The following VSIR variants were observed in gnomAD, a reference collection of about 807,000 sequenced individuals.
The protein encoded by VSIR is V-type immunoglobulin domain-containing suppressor of T-cell activation.
In VSIR, 10 loss-of-function variants were observed where a neutral mutation model predicts 31.0. The ratio of observed to expected loss-of-function variants is 0.32; its 90% confidence interval spans 0.20 to 0.55. The LOEUF is 0.55. VSIR is among the 20% of genes least tolerant of loss of function. VSIR has a pLI of 0.93. For synonymous variants in VSIR, 179 were observed against 180.1 expected, an observed-to-expected ratio of 0.99 and a Z score of 0.05; for missense variants, 356 against 416.2, an observed-to-expected ratio of 0.86 and a Z score of 1.26.
intron 4 of VSIR, chr10:71,753,725 T>C (rs1329323550): frequency 2.2e-6 from 1 of 456,090 alleles, no homozygotes; most frequent in Non-Finnish European, 4.4e-6. Context: ...CTCCCACAGA[T>C]GCTTCTCGTT....
intron 4 of VSIR, among the ~76,000 whole-genome samples, chr10:71,754,066 T>C (rs567307497): frequency 6.6e-6 from 1 of 152,270 alleles, no homozygotes; most frequent in East Asian, 1.9e-4. Flanking sequence ...TTCCTTTTCT[T>C]TTTTTCCTGA....
In VSIR at chr10:71,751,975, G is replaced by C; in HGVS notation, c.705-114C>G. Reference sequence around the variant, plus strand: ...CTCTCACCTACATCCCCATCCCCAAGCCTCAGCAGCATCTCCAAGCAAGAA... The same window carrying C: ...CTCTCACCTACATCCCCATCCCCAACCCTCAGCAGCATCTCCAAGCAAGAA... On this transcript the variant is annotated intron_variant, in intron 5 of 6. Coordinates refer to ENST00000394957, the MANE Select transcript of VSIR (RefSeq NM_022153.2). The surrounding 1 kb of genome is among the most constrained non-coding windows in gnomAD (Gnocchi z 4.9). 8.7e-7 allele frequency: 1 copy of C among 1,146,756 alleles called. No homozygotes were observed. The highest frequency in any genetic ancestry group is 1.3e-6 in the Non-Finnish European group (1 of 793,696). The allele number at this position is 1,146,756 out of a possible 1,614,324, so 71.0% of individuals were successfully genotyped here.
intron 3 of VSIR, among the ~76,000 whole-genome samples, chr10:71,755,824 G>C (rs900252056): frequency 2.6e-5 from 4 of 152,184 alleles, no homozygotes; most frequent in Admixed American, 2.6e-4. Flanking sequence ...GGCCTTCGCA[G>C]ACCCCATGCC....
chr10:71,757,131 T>C (rs1840170375), intron 3 of VSIR, among the ~76,000 whole-genome samples: 1 of 152,248 alleles, frequency 6.6e-6, no homozygotes, highest in Non-Finnish European at 1.5e-5. Flanking sequence ...AGGACCTTAT[T>C]GTGGGCAATA....
chr10:71,751,779 G>C lies in VSIR; in HGVS notation c.787C>G (p.Leu263Val). 1 of 1,601,892 alleles carries C rather than the reference G, an allele frequency of 6.2e-7. No individual in the cohort carries two copies. The highest frequency in any genetic ancestry group is 8.5e-7 in the Non-Finnish European group (1 of 1,173,984). The change falls in exon 6 of 7, where the codon CTG becomes GTG. Residue 263 changes from leucine to valine, a missense_variant. This residue lies in a region of VSIR where 190 missense variants were observed against 185.2 expected (regional missense o/e 1.03). Transcript: ENST00000394957. This position sits in a 1 kb window ranked among gnomAD's most constrained non-coding sequence, Gnocchi z 4.9. Reference sequence around the variant, plus strand: ...GGCTGCCGCTGGGCCACATAGGACAGGGGGTGCCTGACTTTGGCCTCGGGT... The same window carrying C: ...GGCTGCCGCTGGGCCACATAGGACACGGGGTGCCTGACTTTGGCCTCGGGT... The part of the protein sequence containing the change: ...GIPEAKVRHP[L>V]SYVAQRQPSE...
At chr10:71,773,003 C>A (rs937913888) in intron 1 of VSIR, among the ~76,000 whole-genome samples, 2 of 152,228 alleles carry the variant, frequency 1.3e-5, no homozygotes, top group Admixed American at 1.3e-4. Flanking sequence ...GTGATATCCA[C>A]CAGAACACAC....
In VSIR at chr10:71,773,395, T is replaced by A. The variant is rs776482242; in HGVS notation, c.45A>T (p.Gly15=). Residue 15 remains glycine (G), a synonymous_variant, in exon 1 of 7, where the codon GGA becomes GGT. Transcript: ENST00000394957. ...CCAGGAAGAGAGCGAAGAGCAGGGA[T>A]CCCCAGCGCCAGCTGCCGGCCTCCA... ...TALEAGSWRW[G]SLLFALFLAA... 1.2e-6 allele frequency: 2 copies of A among 1,609,972 alleles called. No homozygotes were observed. The highest frequency in any genetic ancestry group is 1.3e-5 in the African/African-American group (1 of 74,934).
intron 3 of VSIR, among the ~76,000 whole-genome samples, chr10:71,759,956 C>T (rs1840280265): frequency 8.2e-6 from 1 of 122,342 alleles, no homozygotes; most frequent in Non-Finnish European, 1.8e-5. Context: ...CATATATATA[C>T]ACACACATAT....
chr10:71,752,885 C>A, intron 5 of VSIR, 90 bp downstream of exon 5: 1 of 1,464,386 alleles, frequency 6.8e-7, no homozygotes, highest in South Asian at 1.2e-5. Flanking sequence ...CTGCTCTAGG[C>A]AGCTAAACAG....
At chr10:71,770,533 G>A (rs540122305) in intron 1 of VSIR, among the ~76,000 whole-genome samples, 1 of 152,350 alleles carries the variant, frequency 6.6e-6, no homozygotes, top group South Asian at 2.1e-4. Flanking sequence ...AAGCCACAGT[G>A]CTGATCCCTG....
At chr10:71,765,286 G>A (rs1163902464) in intron 1 of VSIR, among the ~76,000 whole-genome samples, 1 of 152,256 alleles carries the variant, frequency 6.6e-6, no homozygotes, top group Non-Finnish European at 1.5e-5. Context: ...AGCTACGGTA[G>A]TATTTACCAC....
intron 3 of VSIR, among the ~76,000 whole-genome samples, chr10:71,757,834 C>T (rs924559543): frequency 2.4e-4 from 37 of 152,190 alleles, no homozygotes; most frequent in African/African-American, 8.4e-4. Context: ...CATTCTGCTG[C>T]GCTGGGGGGT....
chr10:71,764,630 G>C (rs1016368281), intron 1 of VSIR, among the ~76,000 whole-genome samples: 1 of 152,122 alleles, frequency 6.6e-6, no homozygotes, highest in African/African-American at 2.4e-5. Flanking sequence ...GCAGCTTTTG[G>C]GGGGCACCGG....
At chr10:71,758,939 G>A (rs1840219020) in intron 3 of VSIR, among the ~76,000 whole-genome samples, 1 of 151,754 alleles carries the variant, frequency 6.6e-6, no homozygotes. Context: ...GTGTGATCTC[G>A]GCTCACTGCA....
chr10:71,771,188 G>A (rs1840675738), intron 1 of VSIR, among the ~76,000 whole-genome samples: 1 of 152,172 alleles, frequency 6.6e-6, no homozygotes, highest in Non-Finnish European at 1.5e-5. Context: ...TGGGGAAGAA[G>A]AGGCTCTGCT....
At chr10:71,761,050 C>A in intron 2 of VSIR, 126 bp from the exon 3 acceptor site, 1 of 894,054 alleles carries the variant, frequency 1.1e-6, no homozygotes, top group Non-Finnish European at 1.8e-6. Context: ...CAGTGTTGGC[C>A]CAGTGGCAGC....
Position 71,759,846 on chromosome 10 carries a change from C to CAT in VSIR, c.568+1020_568+1021dup, listed in dbSNP as rs57617386. On this transcript the variant is annotated intron_variant, in intron 3 of 6. Coordinates refer to ENST00000394957, the MANE Select transcript of VSIR (RefSeq NM_022153.2). ...ACACACACACACACACACACACACACATATACACACACACACACATATATA... is the reference window on the plus strand; with the variant it reads ...ACACACACACACACACACACACACACATATATACACACACACACACATATATA... Among the ~76,000 whole-genome samples the CAT allele has an allele frequency of 3.4e-3, 201 of 59,972 alleles. 15 individuals carry two copies. The highest frequency in any genetic ancestry group is 0.029 in the South Asian group (51 of 1,756). The allele number at this position is 59,972 out of a possible 152,430, so 39.3% of individuals were successfully genotyped here.
intron 4 of VSIR, among the ~76,000 whole-genome samples, chr10:71,753,254 A>T (rs1432363205): frequency 6.6e-6 from 1 of 152,240 alleles, no homozygotes; most frequent in Non-Finnish European, 1.5e-5. Flanking sequence ...ATTTTCCAGG[A>T]GTGTAAGAAC....
Position 71,760,179 on chromosome 10 carries a change from GTGTA to G in VSIR, c.568+685_568+688del, listed in dbSNP as rs1300178642. Among the ~76,000 whole-genome samples, 3 of 30,504 alleles carry G rather than the reference GTGTA, an allele frequency of 9.8e-5. 1 individual carries two copies. The highest frequency in any genetic ancestry group is 2.1e-4 in the African/African-American group (1 of 4,758). 20.0% of individuals were successfully genotyped at this position (30,504 alleles called of 152,430 possible). A position where few individuals can be genotyped will look rare whatever the true frequency, so the allele number is the denominator to read the frequency against. On this transcript the variant is annotated intron_variant, in intron 3 of 6. Transcript: ENST00000394957. ...TATATATGTATATACATATATATGT[GTGTA>G]TATATATGTATATACATATATATGT...
Sources: allele counts gnomAD v4.1 joint callset (sites outside exome capture counted in the v4.1 genomes callset), GRCh38; gene constraint gnomAD v4.1.1; regional missense constraint gnomAD v4.1.1; non-coding constraint Gnocchi (gnomAD v3.1); transcripts MANE v1.5; gene names NCBI Gene and HGNC (gene_info 2026-07-23, HGNC 2026-07-21).